The following GDPD4 variants were observed in gnomAD, a reference collection of about 807,000 sequenced individuals.
The protein encoded by GDPD4 is glycerophosphodiester phosphodiesterase domain containing 4.
In GDPD4, 60 loss-of-function variants were observed where a neutral mutation model predicts 67.8. The observed-to-expected ratio is 0.88, with a 90% CI of 0.72 to 1.10. GDPD4 has a LOEUF of 1.10. GDPD4 is among the 50% of genes least tolerant of loss of function. The probability of loss-of-function intolerance (pLI) is 0.00; values close to 1 mark genes in which losing one functional copy is unlikely to be tolerated. For missense variants in GDPD4, 623 were observed against 613.9 expected (o/e 1.01, Z -0.16); for synonymous variants, 212 against 210.9 (o/e 1.00, Z -0.04).
chr11:77,234,207 C>G (rs532359642), intron 13 of GDPD4, among the ~76,000 whole-genome samples: 19 of 152,236 alleles, frequency 1.2e-4, no homozygotes, highest in African/African-American at 4.6e-4. Context: ...AACAGAGGTG[C>G]TAGCAATTAG....
chr11:77,243,262 AT>A lies in GDPD4; in HGVS notation c.1241+431del, dbSNP rs1457635215. On this transcript the variant is annotated intron_variant, in intron 13 of 16. Transcript: ENST00000315938. ...ATTTTTTAAATAATAGTTTTGTTAT[AT>A]TCTTAATTATCCGTTCCAGAAATAT... 3.9e-5 allele frequency among the ~76,000 whole-genome samples: 6 copies of A among 152,242 alleles called. No individual in the cohort carries two copies. The East Asian group carries it at 1.2e-3, about 29-fold the overall frequency.
chr11:77,228,027 C>T lies in GDPD4; in HGVS notation c.1473-111G>A, dbSNP rs915687417. On this transcript the variant is annotated intron_variant, in intron 15 of 16. Coordinates refer to ENST00000315938, the MANE Select transcript of GDPD4 (RefSeq NM_182833.3). ...CCCTTCCATCTTGAAACTTACAATCCTATAGCATTTGCCTGCAAGGATTCC... is the reference window on the plus strand; with the variant it reads ...CCCTTCCATCTTGAAACTTACAATCTTATAGCATTTGCCTGCAAGGATTCC... 4 of 790,268 alleles carry T rather than the reference C, an allele frequency of 5.1e-6. No individual in the cohort carries two copies. The African/African-American group carries it at 6.8e-5, about 13-fold the overall frequency. The allele number at this position is 790,268 out of a possible 1,614,324, so 49.0% of individuals were successfully genotyped here.
intron 4 of GDPD4, 86 bp downstream of exon 4, chr11:77,279,220 G>A (rs1411167658): frequency 2.5e-6 from 2 of 813,220 alleles, no homozygotes; most frequent in Non-Finnish European, 2.1e-6. Flanking sequence ...AGAGTCCCCA[G>A]TACCAACTGG....
chr11:77,281,547 G>A lies in GDPD4; in HGVS notation c.54-2148C>T, dbSNP rs141860501. On this transcript the variant is annotated intron_variant, in intron 3 of 16. Coordinates refer to ENST00000315938, the MANE Select transcript of GDPD4 (RefSeq NM_182833.3). ...AAGCATCAGATATCTACCAGACAGT[G>A]AAGAACTATGAAGCCAAGATCTAAA... Among the ~76,000 whole-genome samples, 407 of 152,338 alleles carry A rather than the reference G, an allele frequency of 2.7e-3. 3 individuals are homozygous for A. Among genetic ancestry groups the A allele is most frequent in the African/African-American group, 9.5e-3 (397 of 41,576 alleles).
chr11:77,285,255 C>T lies in GDPD4; in HGVS notation c.-50-68G>A, dbSNP rs183478463. The T allele has an allele frequency of 1.3e-3, 1,028 of 774,980 alleles. 4 individuals carry two copies. The highest frequency in any genetic ancestry group is 4.9e-3 in the East Asian group (185 of 37,520). The allele number at this position is 774,980 out of a possible 1,614,324, so 48.0% of individuals were successfully genotyped here. A position where few individuals can be genotyped will look rare whatever the true frequency, so the allele number is the denominator to read the frequency against. ...TTGTTACCTCAGCAGTTTCTGTATA[C>T]ACTTGCCAAAGGTCAGCATAGTTGC... On this transcript the variant is annotated intron_variant, in intron 2 of 16. Transcript: ENST00000315938.
At position 77,216,715 on chromosome 11, in the gene GDPD4, G is replaced by C. The variant is rs985017173; in HGVS notation, c.*562C>G. 3.5e-6 allele frequency: 2 copies of C among 576,146 alleles called. No individual in the cohort carries two copies. Among genetic ancestry groups the C allele is most frequent in the Admixed American group, 3.1e-5 (1 of 32,642 alleles). The allele number at this position is 576,146 out of a possible 1,614,324, so 35.7% of individuals were successfully genotyped here. On this transcript the variant is annotated 3_prime_UTR_variant, in exon 17 of 17. Transcript: ENST00000315938. ...CCCCTTGAGATGCATTCTTGATAGCGAGAGCACAATGGTTCCCCTGAGAGC... is the reference window on the plus strand; with the variant it reads ...CCCCTTGAGATGCATTCTTGATAGCCAGAGCACAATGGTTCCCCTGAGAGC...
At chr11:77,217,385 C>G in intron 16 of GDPD4, 71 bp from the exon 17 acceptor site, 1 of 1,210,892 alleles carries the variant, frequency 8.3e-7, no homozygotes, top group Non-Finnish European at 1.2e-6. Context: ...GTGTGAAATT[C>G]AAGTTATCTC....
rs550311059 is a variant in GDPD4, at chr11:77,222,589, C to T, written c.1525+5275G>A. 8.6e-3 allele frequency among the ~76,000 whole-genome samples: 1,303 copies of T among 152,330 alleles called. 9 individuals carry two copies. The highest frequency in any genetic ancestry group is 0.015 in the Non-Finnish European group (1,015 of 68,036). On this transcript the variant is annotated intron_variant, in intron 16 of 16. Transcript: ENST00000315938. The stretch of plus-strand genomic sequence containing the variant: ...TCTCTTCTGGCTTGTAAAGTTTCTG[C>T]TGAGAGATCCGCTGTTAGTCTGATG...
intron 1 of GDPD4, among the ~76,000 whole-genome samples, chr11:77,296,214 G>A (rs1226556276): frequency 3.7e-5 from 5 of 134,580 alleles, no homozygotes; most frequent in African/African-American, 1.4e-4. Context: ...TCGCGCCACT[G>A]CACTCCAGCC....
chr11:77,236,068 C>T (rs1440495500), intron 13 of GDPD4, among the ~76,000 whole-genome samples: 1 of 150,990 alleles, frequency 6.6e-6, no homozygotes, highest in African/African-American at 2.4e-5. Flanking sequence ...TCAAAAAACC[C>T]CACAAGGAAT....
chr11:77,225,217 C>T (rs1391590204), intron 16 of GDPD4, among the ~76,000 whole-genome samples: 1 of 151,370 alleles, frequency 6.6e-6, no homozygotes, highest in African/African-American at 2.4e-5. Context: ...AGGAGAATCG[C>T]TTGAAACTGG....
chr11:77,268,485 G>T lies in GDPD4; in HGVS notation c.679C>A (p.His227Asn). ...SFEKAVEHGA[H>N]GLETDIHLSY... ...AAGTGTATATCAGTCTCCAATCCAT[G>T]GGCTCCATGTTCAACAGCTTTCTCA... The change falls in exon 10 of 17, where the codon CAT becomes AAT. Residue 227 changes from histidine to asparagine, a missense_variant. Coordinates refer to ENST00000315938, the MANE Select transcript of GDPD4 (RefSeq NM_182833.3). 1.1e-5 allele frequency: 17 copies of T among 1,612,858 alleles called. No individual in the cohort carries two copies. The highest frequency in any genetic ancestry group is 1.4e-5 in the Non-Finnish European group (17 of 1,179,094).
chr11:77,268,950 T>C lies in GDPD4; in HGVS notation c.598A>G (p.Ile200Val), dbSNP rs765626381. ...EKENLGPKPT[I>V]FGHRGAPMLG... ...ATGGGTGCACCTCTATGTCCAAAGA[T>C]GGTTGGCTTGGGCCCCAAATTCTCC... is the stretch of plus-strand genomic sequence containing the variant. The change falls in exon 9 of 17, where the codon ATC becomes GTC. Residue 200 changes from isoleucine to valine, a missense_variant. Ile to Val is a conservative substitution (Grantham distance 29, BLOSUM62 3). Coordinates refer to ENST00000315938, the MANE Select transcript of GDPD4 (RefSeq NM_182833.3). 1 of 1,614,148 alleles carries C rather than the reference T, an allele frequency of 6.2e-7. No individual in the cohort carries two copies. Among genetic ancestry groups the C allele is most frequent in the Admixed American group, 1.7e-5 (1 of 60,024 alleles).
intron 16 of GDPD4, among the ~76,000 whole-genome samples, chr11:77,217,610 A>G (rs1958149444): frequency 6.6e-6 from 1 of 152,250 alleles, no homozygotes; most frequent in African/African-American, 2.4e-5. Context: ...TAGCCATTAA[A>G]TTAGTTTAGA....
Position 77,227,493 on chromosome 11 carries a change from C to T in GDPD4, c.1525+371G>A, listed in dbSNP as rs552050086. Among the ~76,000 whole-genome samples, 73 of 152,338 alleles carry T rather than the reference C, an allele frequency of 4.8e-4. 1 individual carries two copies. Among genetic ancestry groups the T allele is most frequent in the Non-Finnish European group, 9.0e-4 (61 of 68,034 alleles). ...TTCCTCACTGCTCTTTAAGGACCAG[C>T]CCCTCCCCTCTCTCAGGCCACCCTC... On this transcript the variant is annotated intron_variant, in intron 16 of 16. Coordinates refer to ENST00000315938, the MANE Select transcript of GDPD4 (RefSeq NM_182833.3).
intron 16 of GDPD4, among the ~76,000 whole-genome samples, chr11:77,226,557 G>GCCAGCACCTTGATCTGGC (rs1958342414): frequency 6.6e-6 from 1 of 151,984 alleles, no homozygotes; most frequent in South Asian, 2.1e-4. Flanking sequence ...CTTGATCTGG[G>GCCAGCACCTTGATCTGGC]ATTTCTAGCC....
At chr11:77,282,243 C>T (rs530739977) in intron 3 of GDPD4, among the ~76,000 whole-genome samples, 38 of 151,376 alleles carry the variant, frequency 2.5e-4, no homozygotes, top group African/African-American at 8.0e-4. Context: ...AGGGTAGGTA[C>T]AAAAAAGACA....
At chr11:77,223,726 A>G (rs999510226) in intron 16 of GDPD4, among the ~76,000 whole-genome samples, 1 of 146,888 alleles carries the variant, frequency 6.8e-6, no homozygotes, top group Non-Finnish European at 1.5e-5. Context: ...TACTCTCTTC[A>G]GAGCTGTCAG....
chr11:77,245,115 G>C (rs112483071), intron 12 of GDPD4, among the ~76,000 whole-genome samples, 166 bp downstream of exon 12: 2,531 of 152,248 alleles, frequency 0.017, 84 homozygotes, highest in African/African-American at 0.057. Flanking sequence ...GTCATTCCTA[G>C]ATTACCACAT....
Sources: gnomAD v4.1 joint callset for allele counts (sites outside exome capture counted in the v4.1 genomes callset) on GRCh38, gnomAD v4.1.1 for gene constraint, MANE v1.5 for transcripts, NCBI Gene and HGNC (gene_info 2026-07-23, HGNC 2026-07-21) for gene names.